Variants in RBM34 observed in about 807,000 individuals in gnomAD.
The protein encoded by RBM34 is RNA-binding protein 34.
In RBM34, 39 loss-of-function variants were observed where a neutral mutation model predicts 44.6. The ratio of observed to expected loss-of-function variants is 0.87; its 90% CI spans 0.68 to 1.14. RBM34 has a LOEUF of 1.14. RBM34 is among the 50% of genes most tolerant of loss of function. The pLI is 0.00. For synonymous variants in RBM34, 194 were observed against 184.0 expected (o/e 1.05, Z -0.44); for missense variants, 572 against 517.9 (o/e 1.10, Z -1.01).
intron 4 of RBM34, among the ~76,000 whole-genome samples, chr1:235,153,425 CT>C (rs1189611806): frequency 0.017 from 2,447 of 142,674 alleles, 18 homozygotes; most frequent in Non-Finnish European, 0.023. Flanking sequence ...CAGGAATAAA[CT>C]TTTTTTTTTT....
At chr1:235,138,609 C>T (rs1376454375) in intron 6 of RBM34, among the ~76,000 whole-genome samples, 1 of 152,166 alleles carries the variant, frequency 6.6e-6, no homozygotes, top group African/African-American at 2.4e-5. Context: ...CTCAACGTGC[C>T]TTGTAGCCCA....
chr1:235,138,989 C>T (rs993599427), intron 6 of RBM34, among the ~76,000 whole-genome samples: 1 of 152,148 alleles, frequency 6.6e-6, no homozygotes, highest in Non-Finnish European at 1.5e-5. Flanking sequence ...GACATGACCC[C>T]TTTGTCGCGA....
At chr1:235,136,008 A>AC in intron 9 of RBM34, 26 bp downstream of exon 9, 1 of 1,517,112 alleles carries the variant, frequency 6.6e-7, no homozygotes, top group South Asian at 1.2e-5. Flanking sequence ...AGTAATATTA[A>AC]CTGTACTTTG....
intron 4 of RBM34, among the ~76,000 whole-genome samples, chr1:235,153,757 GTAGAGTT>G (rs985423065): frequency 1.2e-4 from 18 of 152,276 alleles, no homozygotes; most frequent in African/African-American, 4.3e-4. Flanking sequence ...TTTTAATCAA[GTAGAGTT>G]TAAACTGTCC....
At chr1:235,133,040 T>TG (rs1572139198) in intron 10 of RBM34, among the ~76,000 whole-genome samples, 1 of 152,120 alleles carries the variant, frequency 6.6e-6, no homozygotes, top group African/African-American at 2.4e-5. Flanking sequence ...TCCAAACTTT[T>TG]GGGGAAAAAA....
chr1:235,153,394 T>C (rs1189482885), intron 4 of RBM34, among the ~76,000 whole-genome samples: 1 of 152,162 alleles, frequency 6.6e-6, no homozygotes, highest in Non-Finnish European at 1.5e-5. Flanking sequence ...GATTCTCTCA[T>C]GTTTTCACAT....
intron 8 of RBM34, among the ~76,000 whole-genome samples, chr1:235,136,307 A>G (rs1018840605): frequency 6.6e-6 from 1 of 152,140 alleles, no homozygotes; most frequent in Non-Finnish European, 1.5e-5. Context: ...CACGGTAGGG[A>G]TCAGGAACGG....
At position 235,155,812 on chromosome 1, in the gene RBM34, C is replaced by A. The variant is rs1177261120; in HGVS notation, c.366-700G>T. ...GAGCCACCATGTCCAGTCTTTTATACATACATATACATATATATATATATA... is the reference window on the plus strand; with the variant it reads ...GAGCCACCATGTCCAGTCTTTTATAAATACATATACATATATATATATATA... On this transcript the variant is annotated intron_variant, in intron 3 of 10. Transcript: ENST00000408888. Among the ~76,000 whole-genome samples, 5 of 82,728 alleles carry A rather than the reference C, an allele frequency of 6.0e-5. No individual in the cohort carries two copies. The East Asian group carries it at 2.1e-3, about 35-fold the overall frequency. 54.3% of individuals were successfully genotyped at this position (82,728 alleles called of 152,430 possible).
intron 3 of RBM34, chr1:235,160,084 T>A: frequency 3.3e-6 from 1 of 306,392 alleles, no homozygotes; most frequent in South Asian, 2.9e-5. Flanking sequence ...TGAAACCCTG[T>A]CTCCACTAAA....
intron 5 of RBM34, 109 bp from the exon 6 acceptor site, chr1:235,148,556 C>A: frequency 1.4e-6 from 1 of 724,574 alleles, no homozygotes; most frequent in Non-Finnish European, 2.1e-6. Context: ...TGATCAAAAA[C>A]ATTCTAGGGA....
intron 7 of RBM34, 72 bp downstream of exon 7, chr1:235,138,019 C>A: frequency 2.0e-6 from 3 of 1,534,974 alleles, no homozygotes; most frequent in Admixed American, 3.6e-5. Context: ...AAAGTGAAAC[C>A]AAAGAATAAA....
intron 6 of RBM34, among the ~76,000 whole-genome samples, chr1:235,147,283 A>G (rs1193438033): frequency 2.1e-4 from 32 of 152,208 alleles, no homozygotes; most frequent in Admixed American, 2.1e-3. Flanking sequence ...ATGGGGCTGG[A>G]GGAGAAGCTG....
intron 10 of RBM34, among the ~76,000 whole-genome samples, chr1:235,135,208 C>T (rs748501937): frequency 5.0e-5 from 7 of 138,948 alleles, no homozygotes; most frequent in Non-Finnish European, 1.1e-4. Context: ...CCACATCTGG[C>T]TAATTTTTAA....
At chr1:235,144,666 G>A (rs1340350980) in intron 6 of RBM34, among the ~76,000 whole-genome samples, 1 of 152,140 alleles carries the variant, frequency 6.6e-6, no homozygotes, top group Non-Finnish European at 1.5e-5. Context: ...ATGATTACTT[G>A]AGCCTAGGAA....
chr1:235,151,565 CTG>C (rs1662159240), intron 5 of RBM34, among the ~76,000 whole-genome samples: 1 of 152,108 alleles, frequency 6.6e-6, no homozygotes, highest in Non-Finnish European at 1.5e-5. Flanking sequence ...ATTGTGAAAA[CTG>C]AGGTGCAGGA....
intron 6 of RBM34, among the ~76,000 whole-genome samples, chr1:235,138,599 C>T (rs901930606): frequency 2.6e-5 from 4 of 152,144 alleles, no homozygotes; most frequent in Admixed American, 2.0e-4. Flanking sequence ...TTAACAACAG[C>T]TCAACGTGCC....
chr1:235,138,005 T>C (rs890707961), intron 7 of RBM34, 65 bp from the exon 8 acceptor site: 9 of 1,538,016 alleles, frequency 5.9e-6, no homozygotes, highest in Non-Finnish European at 8.1e-6. Context: ...AAAACATCTA[T>C]GCTAAAGTGA....
intron 3 of RBM34, among the ~76,000 whole-genome samples, chr1:235,156,980 A>G (rs909810641): frequency 6.6e-6 from 1 of 152,234 alleles, no homozygotes; most frequent in Admixed American, 6.5e-5. Flanking sequence ...TCCCCTGAGG[A>G]CAGGGTCCAT....
In RBM34 at chr1:235,131,919, C is replaced by G. The variant is rs776388084; in HGVS notation, c.1087G>C (p.Val363Leu). ...TGTTGTTTAAATTTTTCTTTATTAA[C>G]AGAACGCATGACTCTGAGTTTTCTC... Reference protein sequence around the residue: ...MGRKLRVMRSVNKEKFKQQNS... With the variant: ...MGRKLRVMRSLNKEKFKQQNS... The change falls in exon 11 of 11, where the codon GTT becomes CTT. Residue 363 changes from valine (V) to leucine (L), a missense_variant. Physicochemically the swap from Val to Leu is conservative, Grantham distance 32. Coordinates refer to ENST00000408888, the MANE Select transcript of RBM34 (RefSeq NM_015014.4). 6.2e-7 allele frequency: 1 copy of G among 1,613,358 alleles called. No individual in the cohort carries two copies. The highest frequency in any genetic ancestry group is 1.3e-5 in the African/African-American group (1 of 74,896).
Sources: gnomAD v4.1 joint callset for allele counts (sites outside exome capture counted in the v4.1 genomes callset) on GRCh38, gnomAD v4.1.1 for gene constraint, MANE v1.5 for transcripts, NCBI Gene and HGNC (gene_info 2026-07-23, HGNC 2026-07-21) for gene names.